LINGO2: variants seen among roughly 807,000 people sequenced by gnomAD.
LINGO2 encodes the protein leucine rich repeat and Ig domain containing 2.
In LINGO2, 14 loss-of-function variants were observed where a neutral mutation model predicts 30.6. The observed-to-expected ratio is 0.46, with a 90% CI of 0.30 to 0.72. The LOEUF is 0.72. Ranked by LOEUF, LINGO2 falls within the 30% of genes least tolerant of loss-of-function variation. The pLI, the probability that LINGO2 is intolerant of heterozygous loss-of-function variation, is 0.07. For synonymous variants in LINGO2, 317 were observed against 288.5 expected, an observed-to-expected ratio of 1.10 and a Z score of -1.00; for missense variants, 729 against 751.7, an observed-to-expected ratio of 0.97 and a Z score of 0.35.
intron 1 of LINGO2, among the ~76,000 whole-genome samples, chr9:28,484,377 C>T (rs188008487): frequency 7.9e-5 from 12 of 152,092 alleles, no homozygotes; most frequent in East Asian, 7.7e-4. Context: ...GTCATACATC[C>T]GTCCAAGTTT....
At chr9:28,022,759 G>A (rs948986418) in intron 4 of LINGO2, among the ~76,000 whole-genome samples, 9 of 151,482 alleles carry the variant, frequency 5.9e-5, no homozygotes, top group South Asian at 2.1e-4. Flanking sequence ...GGAAATTTTC[G>A]TCATTATTAC....
At chr9:27,982,818 T>C (rs1157573666) in intron 5 of LINGO2, among the ~76,000 whole-genome samples, 1 of 151,812 alleles carries the variant, frequency 6.6e-6, no homozygotes, top group Non-Finnish European at 1.5e-5. Flanking sequence ...CAGCTTCCTA[T>C]TAGTAAACTG....
the LINGO2 span, among the ~76,000 whole-genome samples, chr9:28,990,453 T>G: frequency 6.6e-6 from 1 of 152,210 alleles, no homozygotes; most frequent in Non-Finnish European, 1.5e-5. Context: ...AAGGCAGCAG[T>G]AACCTCTGCA....
At chr9:28,684,694 T>G in the LINGO2 span, among the ~76,000 whole-genome samples, 1 of 151,768 alleles carries the variant, frequency 6.6e-6, no homozygotes, top group Admixed American at 6.6e-5. Context: ...AAATTTTGTA[T>G]TTTTAGTAGA....
At position 28,577,244 on chromosome 9, in the gene LINGO2, C is replaced by A. The variant is rs73644074; in HGVS notation, c.-365+92956G>T. Among the ~76,000 whole-genome samples, 1,455 of 152,236 alleles carry A rather than the reference C, an allele frequency of 9.6e-3. 24 individuals are homozygous for A. Among genetic ancestry groups the A allele is most frequent in the African/African-American group, 0.031 (1,283 of 41,538 alleles). On this transcript the variant is annotated intron_variant, in intron 1 of 5. Transcript: ENST00000379992. ...TCATAAGATTTGTAACGTCCCTAGT[C>A]ACTCCTTTAAGTAACATCACTATTA... is the stretch of plus-strand genomic sequence containing the variant.
chr9:28,213,815 T>C (rs1820674683), intron 4 of LINGO2, among the ~76,000 whole-genome samples: 1 of 151,580 alleles, frequency 6.6e-6, no homozygotes. Context: ...ATGGCTTTTA[T>C]AAACTTACAC....
chr9:28,506,022 C>A (rs1050753020), intron 1 of LINGO2, among the ~76,000 whole-genome samples: 1 of 151,716 alleles, frequency 6.6e-6, no homozygotes, highest in East Asian at 1.9e-4. Context: ...GTTGTACTGA[C>A]CCGTGGAAAA....
At chr9:29,176,779 C>T in the LINGO2 span, among the ~76,000 whole-genome samples, 419 of 152,330 alleles carry the variant, frequency 2.8e-3, no homozygotes, top group Non-Finnish European at 4.9e-3. Context: ...CATGAAATTT[C>T]TATAAGCTTC....
chr9:28,545,544 A>G (rs750217542), intron 1 of LINGO2, among the ~76,000 whole-genome samples: 2 of 152,182 alleles, frequency 1.3e-5, no homozygotes, highest in South Asian at 2.1e-4. Context: ...CAGATGAACA[A>G]TTAAAGAATC....
intron 4 of LINGO2, among the ~76,000 whole-genome samples, chr9:28,291,986 A>AG (rs1270585160): frequency 4.6e-5 from 7 of 152,184 alleles, no homozygotes; most frequent in African/African-American, 1.7e-4. Context: ...GAAACAACCA[A>AG]GGCAGAAGAC....
At chr9:28,356,958 C>T (rs1173497087) in intron 3 of LINGO2, among the ~76,000 whole-genome samples, 1 of 151,868 alleles carries the variant, frequency 6.6e-6, no homozygotes, top group African/African-American at 2.4e-5. Flanking sequence ...AAGGGCTACA[C>T]ACTAACTTCA....
At chr9:28,186,469 T>G (rs927892326) in intron 4 of LINGO2, among the ~76,000 whole-genome samples, 1 of 152,168 alleles carries the variant, frequency 6.6e-6, no homozygotes, top group African/African-American at 2.4e-5. Context: ...CAAAGATCTC[T>G]GTTTTCACAA....
At chr9:29,077,235 T>G in the LINGO2 span, among the ~76,000 whole-genome samples, 2 of 151,554 alleles carry the variant, frequency 1.3e-5, no homozygotes, top group African/African-American at 4.9e-5. Context: ...ATAAATTGAC[T>G]TCATGATTAC....
the LINGO2 span, among the ~76,000 whole-genome samples, chr9:29,144,644 G>A: frequency 6.6e-6 from 1 of 152,092 alleles, no homozygotes; most frequent in Non-Finnish European, 1.5e-5. Context: ...CACCACTACT[G>A]TGGGTGACTC....
chr9:28,262,468 C>G (rs1822598272), intron 4 of LINGO2, among the ~76,000 whole-genome samples: 1 of 151,596 alleles, frequency 6.6e-6, no homozygotes, highest in South Asian at 2.1e-4. Flanking sequence ...GACAAAAAAG[C>G]CAGATTAGTG....
the LINGO2 span, among the ~76,000 whole-genome samples, chr9:28,799,373 T>C: frequency 1.3e-5 from 2 of 151,952 alleles, no homozygotes; most frequent in African/African-American, 2.4e-5. Flanking sequence ...AGGCCAGTGA[T>C]ATGAAGGGGT....
At chr9:27,986,128 G>C (rs1242300980) in intron 5 of LINGO2, among the ~76,000 whole-genome samples, 1 of 151,316 alleles carries the variant, frequency 6.6e-6, no homozygotes, top group Non-Finnish European at 1.5e-5. Flanking sequence ...TACAAACCTT[G>C]GGGTGGAGCT....
At chr9:28,475,163 T>C (rs1212188714) in intron 2 of LINGO2, among the ~76,000 whole-genome samples, 3 of 152,048 alleles carry the variant, frequency 2.0e-5, no homozygotes, top group Non-Finnish European at 4.4e-5. Context: ...TTTTACAGAG[T>C]ATGTGAAAAC....
intron 2 of LINGO2, among the ~76,000 whole-genome samples, chr9:28,402,532 T>C (rs1822315687): frequency 6.6e-6 from 1 of 152,114 alleles, no homozygotes; most frequent in South Asian, 2.1e-4. Flanking sequence ...ATCCGTACAC[T>C]GCCTCCTATC....
Sources: allele counts gnomAD v4.1 joint callset (sites outside exome capture counted in the v4.1 genomes callset), GRCh38; gene constraint gnomAD v4.1.1; transcripts MANE v1.5; gene names NCBI Gene and HGNC (gene_info 2026-07-23, HGNC 2026-07-21).